The following PDE8B variants were observed in gnomAD, a reference collection of about 807,000 sequenced individuals.
The protein encoded by PDE8B is high affinity cAMP-specific and IBMX-insensitive 3',5'-cyclic phosphodiesterase 8B.
In PDE8B, 26 loss-of-function variants were observed where a neutral mutation model predicts 101.3. The observed-to-expected ratio is 0.26, with a 90% CI of 0.19 to 0.36. The LOEUF (loss-of-function observed/expected upper bound fraction) is 0.36. Among genes scored for constraint, PDE8B ranks in the 10% least tolerant of loss-of-function variants. The probability of loss-of-function intolerance (pLI) is 1.00; values close to 1 mark genes in which losing one functional copy is unlikely to be tolerated. For missense variants in PDE8B, 810 were observed against 1,163.1 expected (o/e 0.70, Z 4.42); for synonymous variants, 424 against 429.3 (o/e 0.99, Z 0.15).
intron 2 of PDE8B, 88 bp from the exon 3 acceptor site, chr5:77,325,451 G>A: frequency 1.7e-6 from 2 of 1,185,188 alleles, no homozygotes; most frequent in African/African-American, 1.5e-5. Context: ...TTACAGGCAT[G>A]AGCCACTGCG....
intron 10 of PDE8B, among the ~76,000 whole-genome samples, chr5:77,355,235 C>G (rs984039770): frequency 6.6e-6 from 1 of 152,208 alleles, no homozygotes; most frequent in Non-Finnish European, 1.5e-5. Flanking sequence ...CATGAATTAG[C>G]TGCTGCTCCT....
At chr5:77,301,744 G>T (rs750331117) in intron 1 of PDE8B, among the ~76,000 whole-genome samples, 4 of 152,184 alleles carry the variant, frequency 2.6e-5, no homozygotes, top group Non-Finnish European at 4.4e-5. Flanking sequence ...TTGGGATCTT[G>T]GAATGGAGCT....
At chr5:77,147,066 G>A in the PDE8B span, 1 of 417,008 alleles carries the variant, frequency 2.4e-6, no homozygotes, top group Non-Finnish European at 4.6e-6. Context: ...CTGAGCTAAA[G>A]GAAAGCCTGA....
rs767688566 is a variant in PDE8B at position 77,426,435 on chromosome 5, G to A, written c.2549-10G>A. On this transcript the variant is annotated splice_polypyrimidine_tract_variant and intron_variant, in intron 21 of 21. Coordinates refer to ENST00000264917, the MANE Select transcript of PDE8B (RefSeq NM_003719.5). The stretch of plus-strand genomic sequence containing the variant: ...CACCGGTTTCTTTTGATTCTTTTCT[G>A]TCTTTGCAGCCTTTGCACATCTGCC... 3.2e-6 allele frequency: 5 copies of A among 1,581,960 alleles called. No homozygotes were observed. In the African/African-American group the frequency reaches 5.4e-5, roughly 17 times the overall value.
intron 1 of PDE8B, among the ~76,000 whole-genome samples, chr5:77,305,926 C>T (rs962755297): frequency 2.0e-5 from 3 of 152,012 alleles, no homozygotes; most frequent in Non-Finnish European, 2.9e-5. Context: ...TGTGTGTGTG[C>T]GAACACTCAG....
the PDE8B span, among the ~76,000 whole-genome samples, chr5:77,177,001 C>T: frequency 6.6e-6 from 1 of 152,044 alleles, no homozygotes; most frequent in African/African-American, 2.4e-5. Flanking sequence ...CCCTTTGCTT[C>T]AGTTCCCTTT....
At chr5:77,135,313 T>A in the PDE8B span, among the ~76,000 whole-genome samples, 1 of 152,212 alleles carries the variant, frequency 6.6e-6, no homozygotes, top group African/African-American at 2.4e-5. Flanking sequence ...ATCTCTTGAC[T>A]ACCTAATCTC....
At chr5:77,343,413 T>C (rs1424096601) in intron 6 of PDE8B, among the ~76,000 whole-genome samples, 1 of 152,232 alleles carries the variant, frequency 6.6e-6, no homozygotes, top group African/African-American at 2.4e-5. Flanking sequence ...CTGTAGAGCA[T>C]GTTACTGTAC....
At chr5:77,122,844 T>C in the PDE8B span, among the ~76,000 whole-genome samples, 3 of 152,090 alleles carry the variant, frequency 2.0e-5, no homozygotes, top group African/African-American at 4.8e-5. Flanking sequence ...AAAAACTATT[T>C]TAAGACATTG....
intron 1 of PDE8B, among the ~76,000 whole-genome samples, chr5:77,241,994 G>A (rs182358005): frequency 5.9e-5 from 9 of 152,244 alleles, no homozygotes; most frequent in African/African-American, 1.9e-4. Flanking sequence ...CCAAATTCAC[G>A]CAAGGTGTAT....
At position 77,400,245 on chromosome 5, in the gene PDE8B, T is replaced by C. The variant is rs1359606630; in HGVS notation, c.1168-3T>C. On this transcript the variant is annotated splice_region_variant and splice_polypyrimidine_tract_variant and intron_variant, in intron 10 of 21. Transcript: ENST00000264917. ...GTTTTATCAAACTTTTGAACGACTT[T>C]AGATTCACAAGATTCATCGTGATTC... The C allele has an allele frequency of 6.3e-7, 1 of 1,595,534 alleles. No individual in the cohort carries two copies. Among genetic ancestry groups the C allele is most frequent in the Non-Finnish European group, 8.6e-7 (1 of 1,163,082 alleles).
the PDE8B span, among the ~76,000 whole-genome samples, chr5:77,096,768 A>G: frequency 6.6e-6 from 1 of 152,150 alleles, no homozygotes; most frequent in African/African-American, 2.4e-5. Context: ...CTCTGTCACC[A>G]CATGGCATTG....
At chr5:77,291,772 T>C (rs1767411238) in intron 1 of PDE8B, 1 of 1,580,524 alleles carries the variant, frequency 6.3e-7, no homozygotes, top group Non-Finnish European at 8.7e-7. Context: ...AGTAAAGACT[T>C]TCCTCTGGCC....
At chr5:77,096,760 C>T in the PDE8B span, among the ~76,000 whole-genome samples, 1 of 152,212 alleles carries the variant, frequency 6.6e-6, no homozygotes, top group South Asian at 2.1e-4. Context: ...ATCGCTGCCT[C>T]TGTCACCACA....
chr5:77,180,474 G>T, the PDE8B span: 39 of 985,410 alleles, frequency 4.0e-5, no homozygotes, highest in Non-Finnish European at 4.6e-5. Context: ...ACTGCCCACC[G>T]AGCGCGTGCC....
At chr5:77,271,958 G>A (rs953362763) in intron 1 of PDE8B, among the ~76,000 whole-genome samples, 18 of 152,138 alleles carry the variant, frequency 1.2e-4, no homozygotes, top group African/African-American at 4.3e-4. Context: ...TGTGGTCCTC[G>A]GAACAGTACC....
At position 77,211,011 on chromosome 5, in the gene PDE8B, C is replaced by T. The variant is rs764472520; in HGVS notation, c.86C>T (p.Thr29Ile). ...DSDESSSPRQ[T>I]TSVSQGPAAP... ...GACGAGTCCAGCTCGCCCCGCCAGA[C>T]CACCAGCGTGTCGCAGGGCCCGGCG... The change falls in exon 1 of 22, where the codon ACC (threonine) becomes ATC (isoleucine). Residue 29 changes from threonine to isoleucine, a missense_variant. Transcript: ENST00000264917. This position sits in a 1 kb window ranked among gnomAD's most constrained non-coding sequence, Gnocchi z 4.1. 6.5e-7 allele frequency: 1 copy of T among 1,550,050 alleles called. No homozygotes were observed. The highest frequency in any genetic ancestry group is 8.6e-7 in the Non-Finnish European group (1 of 1,158,282).
At chr5:77,227,565 G>A (rs1752665325) in intron 1 of PDE8B, among the ~76,000 whole-genome samples, 2 of 152,262 alleles carry the variant, frequency 1.3e-5, no homozygotes, top group South Asian at 4.2e-4. Flanking sequence ...GTACAGATGG[G>A]AAATGAAAGA....
chr5:77,408,875 C>A lies in PDE8B; in HGVS notation c.1366-18C>A. ...GAACCCTATTATCCTCAGATGTATT[C>A]TTTCTTCACTCCGTTAGGTTATAAA... On this transcript the variant is annotated intron_variant, in intron 13 of 21. Transcript: ENST00000264917. 1.2e-6 allele frequency: 2 copies of A among 1,604,530 alleles called. No homozygotes were observed. Among genetic ancestry groups the A allele is most frequent in the East Asian group, 4.5e-5 (2 of 44,848 alleles).
Sources: gnomAD v4.1 joint callset for allele counts (sites outside exome capture counted in the v4.1 genomes callset) on GRCh38, gnomAD v4.1.1 for gene constraint, Gnocchi (gnomAD v3.1) non-coding constraint, MANE v1.5 for transcripts, NCBI Gene and HGNC (gene_info 2026-07-23, HGNC 2026-07-21) for gene names.